Variants in DAZAP1 observed in about 807,000 individuals in gnomAD.
DAZAP1 encodes the protein DAZ associated protein 1.
DAZAP1 carries 6 observed loss-of-function variants against 60.1 expected under a neutral mutation model. The observed-to-expected ratio is 0.10, with a 90% CI of 0.05 to 0.20. The LOEUF (loss-of-function observed/expected upper bound fraction) is 0.20. Among genes scored for constraint, DAZAP1 ranks in the 10% least tolerant of loss-of-function variants. The pLI is 1.00. For missense variants in DAZAP1, 366 were observed against 560.4 expected, an observed-to-expected ratio of 0.65 and a Z score of 3.50; for synonymous variants, 235 against 215.9, an observed-to-expected ratio of 1.09 and a Z score of -0.78.
chr19:1,425,755 C>G lies in DAZAP1; in HGVS notation c.464-123C>G. 2.7e-6 allele frequency: 2 copies of G among 727,548 alleles called. No homozygotes were observed. Among genetic ancestry groups the G allele is most frequent in the South Asian group, 3.1e-5 (2 of 63,612 alleles). The allele number at this position is 727,548 out of a possible 1,614,324, so 45.1% of individuals were successfully genotyped here. A position where few individuals can be genotyped will look rare whatever the true frequency, so the allele number is the denominator to read the frequency against. On this transcript the variant is annotated intron_variant, in intron 6 of 11. Transcript: ENST00000233078. This position sits in a 1 kb window ranked among gnomAD's most constrained non-coding sequence, Gnocchi z 5.4. Reference sequence around the variant, plus strand: ...AGGCAGCTGCCCCAGGGGCCCGCAGCGCCCCACACACAGCTTAGCTGAAAC... The same window carrying G: ...AGGCAGCTGCCCCAGGGGCCCGCAGGGCCCCACACACAGCTTAGCTGAAAC...
chr19:1,432,506 C>T lies in DAZAP1; in HGVS notation c.872-8C>T, dbSNP rs1174636284. The T allele has an allele frequency of 3.7e-6, 6 of 1,613,756 alleles. No individual in the cohort carries two copies. Among genetic ancestry groups the T allele is most frequent in the Non-Finnish European group, 5.1e-6 (6 of 1,179,970 alleles). ...TGTCTTGTGCCTTGCCCTCTTGTAC[C>T]TCTGCAGGTTTTGGCTACGGGCCTC... On this transcript the variant is annotated splice_region_variant and splice_polypyrimidine_tract_variant and intron_variant, in intron 10 of 11. Coordinates refer to ENST00000233078, the MANE Select transcript of DAZAP1 (RefSeq NM_018959.4). This position sits in a 1 kb window ranked among gnomAD's most constrained non-coding sequence, Gnocchi z 4.9.
rs548160897 is a variant in DAZAP1 at position 1,430,082 on chromosome 19, C to A, written c.730+86C>A. On this transcript the variant is annotated intron_variant, in intron 9 of 11. Transcript: ENST00000233078. Reference sequence around the variant, plus strand: ...AGGTGTCCTGGGGCAGCCGGCAAAGCCTGGTTCCCGTGTCCTGAGTGCTGG... The same window carrying A: ...AGGTGTCCTGGGGCAGCCGGCAAAGACTGGTTCCCGTGTCCTGAGTGCTGG... 3.8e-6 allele frequency: 6 copies of A among 1,582,890 alleles called. No homozygotes were observed. In the South Asian group the frequency reaches 6.8e-5, roughly 18 times the overall value.
Position 1,414,459 on chromosome 19 carries a change from G to A in DAZAP1, c.30-3041G>A, listed in dbSNP as rs529908630. ...AACACAGCACAGTGATCAAAATTGAGAAAGTGGCCGGGCGCAGCTACTCAC... is the reference window on the plus strand; with the variant it reads ...AACACAGCACAGTGATCAAAATTGAAAAAGTGGCCGGGCGCAGCTACTCAC... On this transcript the variant is annotated intron_variant, in intron 1 of 11. Transcript: ENST00000233078. Among the ~76,000 whole-genome samples, 362 of 152,258 alleles carry A rather than the reference G, an allele frequency of 2.4e-3. 3 individuals are homozygous for A. Among genetic ancestry groups the A allele is most frequent in the African/African-American group, 8.3e-3 (346 of 41,536 alleles).
Position 1,422,333 on chromosome 19 carries a change from A to G in DAZAP1, c.415-15A>G. 1 of 1,613,418 alleles carries G rather than the reference A, an allele frequency of 6.2e-7. No homozygotes were observed. The highest frequency in any genetic ancestry group is 8.5e-7 in the Non-Finnish European group (1 of 1,179,732). The stretch of plus-strand genomic sequence containing the variant: ...TGGCCCTGGTGTCCGTGCTGACGCC[A>G]CCCTCTCCTTCCAGGTCACGGAGGT... On this transcript the variant is annotated splice_polypyrimidine_tract_variant and intron_variant, in intron 5 of 11. Coordinates refer to ENST00000233078, the MANE Select transcript of DAZAP1 (RefSeq NM_018959.4). The surrounding 1 kb of genome is among the most constrained non-coding windows in gnomAD (Gnocchi z 4.5).
chr19:1,420,971 G>T (rs181216084), intron 4 of DAZAP1, among the ~76,000 whole-genome samples, 177 bp from the exon 5 acceptor site: 1 of 152,240 alleles, frequency 6.6e-6, no homozygotes, highest in Non-Finnish European at 1.5e-5. Context: ...CTAGAAAAGT[G>T]AGAAAGTGTC....
Position 1,422,279 on chromosome 19 carries a change from C to A in DAZAP1, c.415-69C>A. On this transcript the variant is annotated intron_variant, in intron 5 of 11. Transcript: ENST00000233078. This position sits in a 1 kb window ranked among gnomAD's most constrained non-coding sequence, Gnocchi z 4.5. ...GAGAGTTTGGGTTCGTGGGAACAGG[C>A]TGTGCCCTCGGAAGACCACCTGTGG... The A allele has an allele frequency of 1.4e-6, 2 of 1,443,834 alleles. No homozygotes were observed. Among genetic ancestry groups the A allele is most frequent in the Non-Finnish European group, 1.9e-6 (2 of 1,028,134 alleles). 89.4% of individuals were successfully genotyped at this position (1,443,834 alleles called of 1,614,324 possible).
In DAZAP1 at chr19:1,426,099, C is replaced by T; in HGVS notation, c.546+139C>T. On this transcript the variant is annotated intron_variant, in intron 7 of 11. Transcript: ENST00000233078. This position sits in a 1 kb window ranked among gnomAD's most constrained non-coding sequence, Gnocchi z 5.4. ...TGAACCTTTGCTGCGTGAGGTGGGC[C>T]TGGGTCTGTAGACGTGAGGAGGGTC... 1.4e-6 allele frequency: 1 copy of T among 708,040 alleles called. No homozygotes were observed. The highest frequency in any genetic ancestry group is 2.6e-6 in the Non-Finnish European group (1 of 387,336). The allele number at this position is 708,040 out of a possible 1,614,324, so 43.9% of individuals were successfully genotyped here.
Position 1,418,419 on chromosome 19 carries a change from T to C in DAZAP1, c.237+49T>C. On this transcript the variant is annotated intron_variant, in intron 3 of 11. Coordinates refer to ENST00000233078, the MANE Select transcript of DAZAP1 (RefSeq NM_018959.4). The surrounding 1 kb of genome is among the most constrained non-coding windows in gnomAD (Gnocchi z 5.7). ...CACCCGCTCTCTGTCTCCCCTGTCC[T>C]TCCTCTGCTTCATTTTTTCCTGGAC... is the stretch of plus-strand genomic sequence containing the variant. The C allele has an allele frequency of 6.3e-7, 1 of 1,593,240 alleles. No homozygotes were observed. Among genetic ancestry groups the C allele is most frequent in the Non-Finnish European group, 8.6e-7 (1 of 1,165,810 alleles).
rs541504880 is a variant in DAZAP1 at position 1,433,030 on chromosome 19, C to T, written c.1048+340C>T. 2.7e-5 allele frequency: 7 copies of T among 261,478 alleles called. No individual in the cohort carries two copies. The highest frequency in any genetic ancestry group is 1.3e-4 in the South Asian group (2 of 15,942). The allele number at this position is 261,478 out of a possible 1,614,324, so 16.2% of individuals were successfully genotyped here. On this transcript the variant is annotated intron_variant, in intron 11 of 11. Transcript: ENST00000233078. The surrounding 1 kb of genome is among the most constrained non-coding windows in gnomAD (Gnocchi z 6.1). ...AGGTTCAGGCCCTCGGTGTGGGTCC[C>T]GGGTGCACTGGCCCCTTGGTGGGTT...
chr19:1,432,160 A>T lies in DAZAP1; in HGVS notation c.872-354A>T. On this transcript the variant is annotated intron_variant, in intron 10 of 11. Transcript: ENST00000233078. The surrounding 1 kb of genome is among the most constrained non-coding windows in gnomAD (Gnocchi z 4.9). ...TGCTGGCAGCTTCCTAAACATGGGG[A>T]CTGGGCATGGTGGCAGGTTTTTGTC... 1 of 307,588 alleles carries T rather than the reference A, an allele frequency of 3.3e-6. No homozygotes were observed. The highest frequency in any genetic ancestry group is 6.1e-6 in the Non-Finnish European group (1 of 162,758). 19.1% of individuals were successfully genotyped at this position (307,588 alleles called of 1,614,324 possible). A position where few individuals can be genotyped will look rare whatever the true frequency, so the allele number is the denominator to read the frequency against.
rs924586739 is a variant in DAZAP1, at chr19:1,414,814, G to T, written c.30-2686G>T. 6.6e-5 allele frequency among the ~76,000 whole-genome samples: 10 copies of T among 151,780 alleles called. No individual in the cohort carries two copies. The East Asian group carries it at 1.7e-3, about 26-fold the overall frequency. On this transcript the variant is annotated intron_variant, in intron 1 of 11. Transcript: ENST00000233078. ...TTTATTTTTTTAATTTTATTTAAGAGTATTTTTTATTTTTTTTTTAATTTT... is the reference window on the plus strand; with the variant it reads ...TTTATTTTTTTAATTTTATTTAAGATTATTTTTTATTTTTTTTTTAATTTT...
In DAZAP1 at chr19:1,418,718, C is replaced by A; in HGVS notation, c.290C>A (p.Pro97Gln). Residue 97 changes from proline (P) to glutamine (Q), a missense_variant, in exon 4 of 12, where the codon CCG becomes CAG. This residue lies in a region of DAZAP1 where 98 missense variants were observed against 155.3 expected (regional missense o/e 0.63). Transcript: ENST00000233078. The surrounding 1 kb of genome is among the most constrained non-coding windows in gnomAD (Gnocchi z 5.7). ...GGGATGCAGCCGGAGAGAACACGGCCGAAGGAAGGATGGGTAAGGGGCTGG... is the reference window on the plus strand; with the variant it reads ...GGGATGCAGCCGGAGAGAACACGGCAGAAGGAAGGATGGGTAAGGGGCTGG... ...PRGMQPERTR[P>Q]KEGWQKGPRS... is the part of the protein sequence containing the mutation. 6.2e-7 allele frequency: 1 copy of A among 1,611,416 alleles called. No individual in the cohort carries two copies.
At chr19:1,411,185 G>A (rs1176963585) in intron 1 of DAZAP1, among the ~76,000 whole-genome samples, 1 of 152,222 alleles carries the variant, frequency 6.6e-6, no homozygotes, top group East Asian at 1.9e-4. Flanking sequence ...GGGCCGTGCC[G>A]GCCTTTCTGG....
At chr19:1,421,784 G>A (rs927344318) in intron 5 of DAZAP1, among the ~76,000 whole-genome samples, 4 of 152,200 alleles carry the variant, frequency 2.6e-5, no homozygotes, top group South Asian at 2.1e-4. Flanking sequence ...GTCACACTCC[G>A]AGCCCCGCCA....
intron 8 of DAZAP1, 100 bp downstream of exon 8, chr19:1,429,095 G>A (rs1490026921): frequency 8.0e-6 from 11 of 1,370,956 alleles, no homozygotes; most frequent in Admixed American, 3.0e-5. Context: ...CACCTCTGCT[G>A]TGCATGCACA....
Position 1,423,923 on chromosome 19 carries a change from A to G in DAZAP1, c.463+1527A>G, listed in dbSNP as rs902051987. Among the ~76,000 whole-genome samples the G allele has an allele frequency of 2.0e-5, 3 of 152,202 alleles. No homozygotes were observed. The highest frequency in any genetic ancestry group is 2.0e-4 in the Admixed American group (3 of 15,294). ...CACTTCGGGGCCAGCACGTGGCCACATGTCCTTAGCTGTTGGGCTTTGAAA... is the reference window on the plus strand; with the variant it reads ...CACTTCGGGGCCAGCACGTGGCCACGTGTCCTTAGCTGTTGGGCTTTGAAA... On this transcript the variant is annotated intron_variant, in intron 6 of 11. Transcript: ENST00000233078. This position sits in a 1 kb window ranked among gnomAD's most constrained non-coding sequence, Gnocchi z 6.8.
intron 4 of DAZAP1, among the ~76,000 whole-genome samples, chr19:1,420,807 G>A (rs889713948): frequency 6.6e-5 from 10 of 152,170 alleles, no homozygotes; most frequent in African/African-American, 2.4e-4. Flanking sequence ...TTCCCCTGCC[G>A]TCCTAAAGTC....
rs531017033 is a variant in DAZAP1, at chr19:1,408,525, C to G, written c.29+723C>G. ...ATCCCACTCGGGGCTCCGGGCTCCC[C>G]GCTCCCATCCCACCCCCCCAAAGTG... On this transcript the variant is annotated intron_variant, in intron 1 of 11. Coordinates refer to ENST00000233078, the MANE Select transcript of DAZAP1 (RefSeq NM_018959.4). 3.3e-5 allele frequency among the ~76,000 whole-genome samples: 5 copies of G among 152,360 alleles called. No homozygotes were observed. The South Asian group carries it at 1.0e-3, about 32-fold the overall frequency.
rs1016150232 is a variant in DAZAP1, at chr19:1,422,230, G to A, written c.415-118G>A. 29 of 886,504 alleles carry A rather than the reference G, an allele frequency of 3.3e-5. No individual in the cohort carries two copies. The highest frequency in any genetic ancestry group is 1.0e-4 in the South Asian group (7 of 68,234). The allele number at this position is 886,504 out of a possible 1,614,324, so 54.9% of individuals were successfully genotyped here. ...CAGCTGTTGCCCGTGCACCTCCCCCGCTCAGGGAGGGCGCACCCTGTGCGA... is the reference window on the plus strand; with the variant it reads ...CAGCTGTTGCCCGTGCACCTCCCCCACTCAGGGAGGGCGCACCCTGTGCGA... On this transcript the variant is annotated intron_variant, in intron 5 of 11. Transcript: ENST00000233078. The surrounding 1 kb of genome is among the most constrained non-coding windows in gnomAD (Gnocchi z 4.5).
Sources: allele counts gnomAD v4.1 joint callset (sites outside exome capture counted in the v4.1 genomes callset), GRCh38; gene constraint gnomAD v4.1.1; regional missense constraint gnomAD v4.1.1; non-coding constraint Gnocchi (gnomAD v3.1); transcripts MANE v1.5; gene names NCBI Gene and HGNC (gene_info 2026-07-23, HGNC 2026-07-21).